SAMSN1: variants seen among roughly 807,000 people sequenced by gnomAD.
The protein encoded by SAMSN1 is SAM domain, SH3 domain and nuclear localization signals 1.
A neutral mutation model predicts 42.0 loss-of-function variants in SAMSN1; 31 were observed. The ratio of observed to expected loss-of-function variants is 0.74; its 90% CI spans 0.55 to 1.00. The LOEUF (loss-of-function observed/expected upper bound fraction) is 1.00. SAMSN1 is among the 50% of genes least tolerant of loss of function. The pLI, the probability that SAMSN1 is intolerant of heterozygous loss-of-function variation, is 0.00. For synonymous variants in SAMSN1, 178 were observed against 151.9 expected (o/e 1.17, Z -1.26); for missense variants, 464 against 439.4 (o/e 1.06, Z -0.50).
At position 14,510,313 on chromosome 21, in the gene SAMSN1, G is replaced by T; in HGVS notation, c.558C>A (p.Ile186=). 1.9e-6 allele frequency: 3 copies of T among 1,614,054 alleles called. No homozygotes were observed. In the East Asian group the frequency reaches 6.7e-5, roughly 36 times the overall value. ...PSPYDTDSLK[I]KKGDIIDIIC... is the part of the protein sequence containing the mutation. ...GTGGGATATGATGTCCTCTCACCTT[G>T]ATTTTGAGGGAGTCAGTGTCATAGG... The change falls in exon 5 of 8, where the codon ATC becomes ATA. Residue 186 remains isoleucine (I), a synonymous_variant. Coordinates refer to ENST00000400566, the MANE Select transcript of SAMSN1 (RefSeq NM_022136.5).
intron 1 of SAMSN1, among the ~76,000 whole-genome samples, chr21:14,650,182 A>T (rs926175003): frequency 1.3e-5 from 2 of 152,184 alleles, no homozygotes; most frequent in African/African-American, 4.8e-5. Flanking sequence ...TTCACTATAG[A>T]GTAAATTGAT....
intron 1 of SAMSN1, among the ~76,000 whole-genome samples, chr21:14,532,523 T>C (rs1568792108): frequency 6.6e-6 from 1 of 152,210 alleles, no homozygotes; most frequent in African/African-American, 2.4e-5. Flanking sequence ...AAAACTGGGA[T>C]TTGGTTAGAT....
chr21:14,550,076 A>G (rs1226104204), upstream of SAMSN1, among the ~76,000 whole-genome samples: 6 of 152,190 alleles, frequency 3.9e-5, no homozygotes, highest in South Asian at 1.2e-3. Context: ...TCCTCTAGTT[A>G]TCTAGCTTAT....
At chr21:14,524,698 G>GCTGTAAAT (rs1978721888) in intron 1 of SAMSN1, among the ~76,000 whole-genome samples, 2 of 152,256 alleles carry the variant, frequency 1.3e-5, no homozygotes, top group Admixed American at 6.5e-5. Context: ...AAGCTGTAAA[G>GCTGTAAAT]CCTAATGTTC....
chr21:14,645,106 C>T (rs1289766708), intron 1 of SAMSN1, among the ~76,000 whole-genome samples: 9 of 152,198 alleles, frequency 5.9e-5, no homozygotes, highest in Non-Finnish European at 1.5e-5. Flanking sequence ...TGAAGGGAAG[C>T]ACAGAGGCAT....
At chr21:14,643,874 C>A (rs1307876233) in intron 1 of SAMSN1, among the ~76,000 whole-genome samples, 1 of 152,176 alleles carries the variant, frequency 6.6e-6, no homozygotes, top group South Asian at 2.1e-4. Flanking sequence ...GAAGGGAGAA[C>A]ACAGCCATCG....
At chr21:14,493,374 C>A (rs1413807892) in intron 7 of SAMSN1, among the ~76,000 whole-genome samples, 2 of 152,044 alleles carry the variant, frequency 1.3e-5, no homozygotes, top group Admixed American at 1.3e-4. Flanking sequence ...TTTCCATCAC[C>A]CATTTTCCCC....
Position 14,532,195 on chromosome 21 carries a change from A to G in SAMSN1, c.58-10974T>C, listed in dbSNP as rs547833554. Among the ~76,000 whole-genome samples the G allele has an allele frequency of 3.3e-5, 5 of 152,302 alleles. No individual in the cohort carries two copies. In the East Asian group the frequency reaches 9.6e-4, roughly 29 times the overall value. On this transcript the variant is annotated intron_variant, in intron 1 of 7. Coordinates refer to ENST00000400566, the MANE Select transcript of SAMSN1 (RefSeq NM_022136.5). ...CTTCTGTTTCAAGGGGAACCTTTTT[A>G]GAAATAATAAAACTGACAGAAAGTT... is the stretch of plus-strand genomic sequence containing the variant.
At chr21:14,541,836 T>C (rs2081901594) in intron 1 of SAMSN1, among the ~76,000 whole-genome samples, 1 of 152,018 alleles carries the variant, frequency 6.6e-6, no homozygotes, top group Admixed American at 6.6e-5. Context: ...CTACAAAACA[T>C]ATAAATACTA....
chr21:14,625,401 C>G (rs1398773793), intron 2 of SAMSN1, among the ~76,000 whole-genome samples: 1 of 152,186 alleles, frequency 6.6e-6, no homozygotes, highest in Non-Finnish European at 1.5e-5. Context: ...CCCTAAATCT[C>G]CTTAAGCTGA....
chr21:14,583,677 C>A (rs535713985), upstream of SAMSN1: 276 of 717,452 alleles, frequency 3.8e-4, 3 homozygotes, highest in South Asian at 2.8e-3. Context: ...GGTTTCACCT[C>A]ATCCAGATTC....
chr21:14,549,996 T>C (rs528526729), upstream of SAMSN1, among the ~76,000 whole-genome samples: 301 of 152,252 alleles, frequency 2.0e-3, no homozygotes, highest in African/African-American at 7.2e-3. Flanking sequence ...GATGACGTTC[T>C]CTGCAATTCT....
intron 2 of SAMSN1, among the ~76,000 whole-genome samples, chr21:14,623,848 T>C (rs1046855794): frequency 1.3e-5 from 2 of 152,184 alleles, no homozygotes; most frequent in African/African-American, 4.8e-5. Flanking sequence ...ACACCACACC[T>C]ATTCCAAAAC....
chr21:14,655,712 A>T (rs913416649), intron 1 of SAMSN1, among the ~76,000 whole-genome samples: 2 of 151,846 alleles, frequency 1.3e-5, no homozygotes, highest in Admixed American at 1.3e-4. Context: ...AAATAATTAT[A>T]TGAGCATTAG....
intron 1 of SAMSN1, among the ~76,000 whole-genome samples, chr21:14,536,871 ACATC>A (rs1979657251): frequency 1.3e-5 from 2 of 152,202 alleles, no homozygotes; most frequent in Admixed American, 6.5e-5. Flanking sequence ...TTACCTATAA[ACATC>A]CAAATGGATA....
At chr21:14,596,227 C>G (rs1982258378) in intron 6 of SAMSN1, among the ~76,000 whole-genome samples, 1 of 151,284 alleles carries the variant, frequency 6.6e-6, no homozygotes. Context: ...TTTTAATAAC[C>G]TGTTTCTTTA....
At chr21:14,617,897 C>T (rs1040753348) in intron 2 of SAMSN1, among the ~76,000 whole-genome samples, 7 of 152,194 alleles carry the variant, frequency 4.6e-5, no homozygotes, top group African/African-American at 1.4e-4. Flanking sequence ...ACATAGTCTC[C>T]TGTATCACCT....
intron 2 of SAMSN1, among the ~76,000 whole-genome samples, chr21:14,576,366 G>T (rs1308255085): frequency 2.0e-5 from 3 of 152,128 alleles, no homozygotes; most frequent in Non-Finnish European, 4.4e-5. Context: ...AGAATAGAGA[G>T]ACAAAATGGA....
chr21:14,642,971 A>G, intron 2 of SAMSN1: 1 of 714,186 alleles, frequency 1.4e-6, no homozygotes, highest in Middle Eastern at 2.3e-4. Context: ...ATAGAGAAAA[A>G]AAAATCCACT....
Sources: allele counts gnomAD v4.1 joint callset (sites outside exome capture counted in the v4.1 genomes callset), GRCh38; gene constraint gnomAD v4.1.1; transcripts MANE v1.5; gene names NCBI Gene and HGNC (gene_info 2026-07-23, HGNC 2026-07-21).